Variants in IQGAP1 observed in about 807,000 individuals in gnomAD.
IQGAP1 encodes IQ motif containing GTPase activating protein 1.
In IQGAP1, 66 loss-of-function variants were observed where a neutral mutation model predicts 215.6. The observed-to-expected ratio is 0.31, with a 90% CI of 0.25 to 0.38. The LOEUF (loss-of-function observed/expected upper bound fraction) is 0.38. Ranked by LOEUF, IQGAP1 falls within the 10% of genes least tolerant of loss-of-function variation. The pLI, the probability that IQGAP1 is intolerant of heterozygous loss-of-function variation, is 1.00. For synonymous variants in IQGAP1, 772 were observed against 728.7 expected (o/e 1.06, Z -0.96); for missense variants, 1,712 against 1,997.1 (o/e 0.86, Z 2.72).
At position 90,390,838 on chromosome 15, in the gene IQGAP1, T is replaced by A. The variant is rs1233982423; in HGVS notation, c.120T>A (p.Ala40=). The A allele has an allele frequency of 6.2e-7, 1 of 1,612,552 alleles. No homozygotes were observed. The highest frequency in any genetic ancestry group is 2.2e-5 in the East Asian group (1 of 44,896). ...EMDERRRQNV[A]YEYLCHLEEA... is the part of the protein sequence containing the mutation. ...ATGAAAGGAGACGTCAGAACGTGGCTTATGAGTACCTTTGTCATTTGGAAG... is the reference window on the plus strand; with the variant it reads ...ATGAAAGGAGACGTCAGAACGTGGCATATGAGTACCTTTGTCATTTGGAAG... The change falls in exon 2 of 38, where the codon GCT becomes GCA. Residue 40 remains alanine (A), a synonymous_variant. Coordinates refer to ENST00000268182, the MANE Select transcript of IQGAP1 (RefSeq NM_003870.4).
intron 9 of IQGAP1, 146 bp from the exon 10 acceptor site, chr15:90,448,427 A>C: frequency 1.5e-6 from 1 of 671,764 alleles, no homozygotes; most frequent in Non-Finnish European, 2.3e-6. Flanking sequence ...CAATCCCAAG[A>C]TCTTATGCTT....
At position 90,433,765 on chromosome 15, in the gene IQGAP1, C is replaced by G; in HGVS notation, c.437C>G (p.Pro146Arg). The change falls in exon 5 of 38, where the codon CCA becomes CGA. Residue 146 changes from proline to arginine, a missense_variant. Transcript: ENST00000268182. ...GATATCTATGATCGAAAGAACATGCCAAGATGTATCTACTGTATCCATGCA... is the reference window on the plus strand; with the variant it reads ...GATATCTATGATCGAAAGAACATGCGAAGATGTATCTACTGTATCCATGCA... ...TTDIYDRKNM[P>R]RCIYCIHALS... 1 of 1,607,314 alleles carries G rather than the reference C, an allele frequency of 6.2e-7. No homozygotes were observed. The highest frequency in any genetic ancestry group is 8.5e-7 in the Non-Finnish European group (1 of 1,175,728).
chr15:90,414,984 C>T (rs1218092716), intron 2 of IQGAP1, among the ~76,000 whole-genome samples: 2 of 152,168 alleles, frequency 1.3e-5, no homozygotes, highest in Non-Finnish European at 2.9e-5. Flanking sequence ...AAAACCTTCT[C>T]TTTTCGTTTT....
chr15:90,412,807 TG>T (rs1334415877), intron 2 of IQGAP1, among the ~76,000 whole-genome samples: 2 of 152,198 alleles, frequency 1.3e-5, no homozygotes, highest in Admixed American at 6.5e-5. Flanking sequence ...CTGTGCAAGA[TG>T]GGTGTGGTAC....
chr15:90,440,167 G>A (rs1201901256), intron 6 of IQGAP1, among the ~76,000 whole-genome samples: 1 of 152,204 alleles, frequency 6.6e-6, no homozygotes, highest in Non-Finnish European at 1.5e-5. Flanking sequence ...GACTTAGTTT[G>A]TGATTCACTT....
chr15:90,463,749 C>T (rs950010374), intron 15 of IQGAP1, among the ~76,000 whole-genome samples: 1 of 152,176 alleles, frequency 6.6e-6, no homozygotes, highest in African/African-American at 2.4e-5. Context: ...GACAGTGCCT[C>T]TTAGAATTGT....
intron 6 of IQGAP1, 28 bp from the exon 7 acceptor site, chr15:90,440,474 T>C (rs8027211): frequency 0.19 from 272,023 of 1,467,688 alleles, 25,845 homozygotes; most frequent in South Asian, 0.23. Flanking sequence ...CTTAGCTTGA[T>C]TGACTGATTA....
At chr15:90,490,404 G>A (rs756730719) in intron 33 of IQGAP1, among the ~76,000 whole-genome samples, 8 of 151,954 alleles carry the variant, frequency 5.3e-5, no homozygotes, top group African/African-American at 1.7e-4. Context: ...CTGAAAGAAC[G>A]AAACAGTGAG....
chr15:90,491,373 G>A lies in IQGAP1; in HGVS notation c.4289G>A (p.Arg1430His), dbSNP rs766373351. The A allele has an allele frequency of 5.0e-6, 8 of 1,614,082 alleles. No individual in the cohort carries two copies. Among genetic ancestry groups the A allele is most frequent in the Admixed American group, 3.3e-5 (2 of 60,008 alleles). The change falls in exon 34 of 38, where the codon CGT becomes CAT. Residue 1430 changes from arginine (R) to histidine (H), a missense_variant. Transcript: ENST00000268182. The stretch of plus-strand genomic sequence containing the variant: ...AGAGCCATGCAGAGACGTGCTATCC[G>A]TGATGCCAAAACACCTGACAAGATG... ...HQRAMQRRAI[R>H]DAKTPDKMKK...
chr15:90,486,067 A>G lies in IQGAP1; in HGVS notation c.3959A>G (p.His1320Arg). The G allele has an allele frequency of 1.2e-6, 2 of 1,613,988 alleles. No homozygotes were observed. Among genetic ancestry groups the G allele is most frequent in the Non-Finnish European group, 1.7e-6 (2 of 1,179,926 alleles). Residue 1320 changes from histidine (H) to arginine (R), a missense_variant, in exon 31 of 38, where the codon CAC becomes CGC. His to Arg is a conservative substitution (Grantham distance 29). Transcript: ENST00000268182. ...CACCAGGATGCCATTGCTCCGGAGC[A>G]CAATGATCCAATCCACGAACTGCTG... ...LDHQDAIAPE[H>R]NDPIHELLDD...
intron 25 of IQGAP1, 126 bp from the exon 26 acceptor site, chr15:90,477,539 A>C: frequency 9.6e-6 from 7 of 731,582 alleles, no homozygotes; most frequent in Non-Finnish European, 1.1e-5. Context: ...CTGCAGGAAC[A>C]TTCTGTGAGT....
chr15:90,466,340 C>T lies in IQGAP1; in HGVS notation c.1939C>T (p.Arg647Cys), dbSNP rs780784277. The T allele has an allele frequency of 5.0e-6, 8 of 1,613,982 alleles. No individual in the cohort carries two copies. The highest frequency in any genetic ancestry group is 1.3e-5 in the African/African-American group (1 of 74,908). ...TGTTGGCAAAACACTGAGTGCCCTT[C>T]GCTCCCCTGATGTTGGCTTGTATGG... ...GDVGKTLSAL[R>C]SPDVGLYGVI... Residue 647 changes from arginine to cysteine, a missense_variant, in exon 17 of 38, where the codon CGC becomes TGC. Around this residue, in one of 2 missense-constraint regions of IQGAP1, gnomAD observed 1,021 missense variants for 1,074.2 expected, o/e 0.95. Transcript: ENST00000268182.
At chr15:90,395,132 T>C (rs1024717071) in intron 2 of IQGAP1, among the ~76,000 whole-genome samples, 1 of 152,208 alleles carries the variant, frequency 6.6e-6, no homozygotes, top group African/African-American at 2.4e-5. Flanking sequence ...GCAGCTTCAA[T>C]ATTGAAATTA....
intron 6 of IQGAP1, 56 bp from the exon 7 acceptor site, chr15:90,440,446 C>T (rs866548094): frequency 3.3e-6 from 4 of 1,212,330 alleles, no homozygotes; most frequent in Middle Eastern, 3.8e-4. Flanking sequence ...GTTTCCTTCT[C>T]TTGGTTATGG....
intron 23 of IQGAP1, among the ~76,000 whole-genome samples, chr15:90,476,391 A>G (rs920580838): frequency 1.3e-5 from 2 of 152,178 alleles, no homozygotes; most frequent in African/African-American, 4.8e-5. Flanking sequence ...CTTTTATTGT[A>G]TTTAAGACTT....
At chr15:90,473,238 C>G (rs1216313535) in intron 19 of IQGAP1, among the ~76,000 whole-genome samples, 1 of 152,148 alleles carries the variant, frequency 6.6e-6, no homozygotes, top group Non-Finnish European at 1.5e-5. Context: ...CTCTCTTCTT[C>G]TAAGACTGTA....
At chr15:90,451,596 A>C (rs920910309) in intron 11 of IQGAP1, among the ~76,000 whole-genome samples, 5 of 151,548 alleles carry the variant, frequency 3.3e-5, no homozygotes, top group African/African-American at 1.2e-4. Context: ...CTGCCTCCCA[A>C]CACCACCACA....
rs1219821145 is a variant in IQGAP1 at position 90,454,549 on chromosome 15, G to A, written c.1609G>A (p.Glu537Lys). The A allele has an allele frequency of 6.4e-7, 1 of 1,565,020 alleles. No homozygotes were observed. The change falls in exon 14 of 38, where the codon GAG becomes AAG. Residue 537 changes from glutamate (E) to lysine (K), a missense_variant. Glu to Lys is a moderately conservative substitution (Grantham distance 56). This residue lies in a region of IQGAP1 where 1,021 missense variants were observed against 1,074.2 expected (regional missense o/e 0.95). Transcript: ENST00000268182. Reference sequence around the variant, plus strand: ...GAACCTGGTGGTGCAAGAGGAACATGAGAGTGAGTTATCTTCCTGTCCTCC... The same window carrying A: ...GAACCTGGTGGTGCAAGAGGAACATAAGAGTGAGTTATCTTCCTGTCCTCC... The part of the protein sequence containing the change: ...HVNLVVQEEH[E>K]RILAIGLINE...
intron 28 of IQGAP1, chr15:90,482,553 G>A: frequency 2.3e-6 from 1 of 441,022 alleles, no homozygotes; most frequent in Admixed American, 3.7e-5. Context: ...TTTCGCTGTA[G>A]TATTGTTCCC....
Sources: gnomAD v4.1 joint callset for allele counts (sites outside exome capture counted in the v4.1 genomes callset) on GRCh38, gnomAD v4.1.1 for gene constraint, gnomAD v4.1.1 regional missense constraint, MANE v1.5 for transcripts, NCBI Gene and HGNC (gene_info 2026-07-23, HGNC 2026-07-21) for gene names.